ULK4: variants seen among roughly 807,000 people sequenced by gnomAD.
ULK4 encodes inactive serine/threonine-protein kinase ULK4.
In ULK4, 133 loss-of-function variants were observed where a neutral mutation model predicts 160.6. That is an observed-to-expected ratio of 0.83 (90% CI 0.72 to 0.96). ULK4 has a LOEUF of 0.96. ULK4 is among the 40% of genes least tolerant of loss of function. ULK4 has a pLI of 0.00. For missense variants in ULK4, 1,580 were observed against 1,499.5 expected (o/e 1.05, Z -0.89); for synonymous variants, 534 against 539.8 (o/e 0.99, Z 0.15).
At chr3:41,550,260 T>TA (rs2087010795) in intron 32 of ULK4, among the ~76,000 whole-genome samples, 2 of 151,882 alleles carry the variant, frequency 1.3e-5, no homozygotes, top group South Asian at 4.2e-4. Context: ...GAAGATAAAT[T>TA]AAAAAATGAC....
intron 16 of ULK4, among the ~76,000 whole-genome samples, chr3:41,891,903 T>A (rs1697982404): frequency 1.3e-5 from 2 of 152,048 alleles, no homozygotes; most frequent in Non-Finnish European, 2.9e-5. Flanking sequence ...AGACTCCGTC[T>A]CAAACAAACA....
rs1362523458 is a variant in ULK4, at chr3:41,911,576, T to C, written c.980A>G (p.Lys327Arg). 6.2e-7 allele frequency: 1 copy of C among 1,613,976 alleles called. No homozygotes were observed. Among genetic ancestry groups the C allele is most frequent in the African/African-American group, 1.3e-5 (1 of 74,934 alleles). ...NSQSRQAKGH[K>R]SGQPLGHSFR... ...AGAGTGACCTAGTGGTTGACCACTC[T>C]TGTGCCCTTTTGCTTGTCTACTCTG... Residue 327 changes from lysine (K) to arginine (R), a missense_variant, in exon 10 of 37, where the codon AAG becomes AGG. Lys to Arg is a conservative substitution (Grantham distance 26, BLOSUM62 2). Transcript: ENST00000301831.
intron 32 of ULK4, among the ~76,000 whole-genome samples, chr3:41,493,718 T>C (rs2084880537): frequency 6.7e-6 from 1 of 150,286 alleles, no homozygotes; most frequent in Non-Finnish European, 1.5e-5. Flanking sequence ...AAGAATCAAA[T>C]AGATGCAATA....
chr3:41,413,152 C>T (rs1243157855), intron 34 of ULK4, among the ~76,000 whole-genome samples: 1 of 152,098 alleles, frequency 6.6e-6, no homozygotes, highest in Non-Finnish European at 1.5e-5. Flanking sequence ...AAAGGGGTTT[C>T]CCCTTAAAAA....
chr3:41,286,789 C>T (rs576047704), intron 35 of ULK4, among the ~76,000 whole-genome samples: 1 of 152,324 alleles, frequency 6.6e-6, no homozygotes, highest in African/African-American at 2.4e-5. Flanking sequence ...CTCCTCTCTC[C>T]ATGCACCATT....
intron 35 of ULK4, among the ~76,000 whole-genome samples, chr3:41,281,879 C>T (rs2079361758): frequency 6.6e-6 from 1 of 152,198 alleles, no homozygotes; most frequent in South Asian, 2.1e-4. Context: ...TTGCAGATGA[C>T]ATGATTGTAT....
intron 17 of ULK4, chr3:41,854,982 G>A (rs1416070961): frequency 6.7e-6 from 1 of 149,100 alleles, no homozygotes; most frequent in African/African-American, 2.5e-5. Flanking sequence ...AAAACTATCG[G>A]GATCACAAGA....
At chr3:41,448,441 C>A (rs1024693932) in intron 34 of ULK4, among the ~76,000 whole-genome samples, 4 of 152,046 alleles carry the variant, frequency 2.6e-5, no homozygotes, top group Non-Finnish European at 4.4e-5. Flanking sequence ...ACTAGAAAAA[C>A]CAAGAGAAAG....
At chr3:41,321,584 A>AT (rs1209413967) in intron 35 of ULK4, among the ~76,000 whole-genome samples, 1 of 152,080 alleles carries the variant, frequency 6.6e-6, no homozygotes, top group African/African-American at 2.4e-5. Flanking sequence ...CTCTAAAACC[A>AT]TAACTGTTCT....
At chr3:41,482,922 G>A (rs1282913566) in intron 32 of ULK4, among the ~76,000 whole-genome samples, 2 of 152,180 alleles carry the variant, frequency 1.3e-5, no homozygotes, top group African/African-American at 4.8e-5. Context: ...TAAGGTACAT[G>A]AGATATTTTG....
At chr3:41,576,690 G>A (rs2088201065) in intron 31 of ULK4, among the ~76,000 whole-genome samples, 1 of 152,232 alleles carries the variant, frequency 6.6e-6, no homozygotes, top group African/African-American at 2.4e-5. Flanking sequence ...TTCCCAAAAT[G>A]CTTTCAGTTT....
chr3:41,831,174 C>T (rs957610506), intron 18 of ULK4, among the ~76,000 whole-genome samples: 15 of 152,018 alleles, frequency 9.9e-5, no homozygotes, highest in African/African-American at 3.4e-4. Flanking sequence ...ACTACAGGTG[C>T]ACACCACTAC....
chr3:41,329,305 T>C (rs2080398077), intron 35 of ULK4, among the ~76,000 whole-genome samples: 1 of 152,198 alleles, frequency 6.6e-6, no homozygotes, highest in Non-Finnish European at 1.5e-5. Context: ...CAAATTTGGC[T>C]CAATCTGGGG....
At chr3:41,733,468 C>T (rs1489850601) in intron 22 of ULK4, among the ~76,000 whole-genome samples, 1 of 152,020 alleles carries the variant, frequency 6.6e-6, no homozygotes, top group African/African-American at 2.4e-5. Context: ...GTGTTGAATA[C>T]ATTTATTTTA....
chr3:41,471,226 T>C (rs1222513469), intron 32 of ULK4, among the ~76,000 whole-genome samples: 2 of 152,044 alleles, frequency 1.3e-5, no homozygotes, highest in African/African-American at 2.4e-5. Context: ...AAACAGACTT[T>C]AAACCAAAAC....
At chr3:41,271,694 T>C (rs1040672492) in intron 35 of ULK4, among the ~76,000 whole-genome samples, 4 of 151,868 alleles carry the variant, frequency 2.6e-5, no homozygotes, top group African/African-American at 4.8e-5. Context: ...GCAGCTGGCC[T>C]ACTTCATTCA....
chr3:41,956,820 C>T (rs1700500723), intron 1 of ULK4, among the ~76,000 whole-genome samples: 1 of 152,190 alleles, frequency 6.6e-6, no homozygotes, highest in Non-Finnish European at 1.5e-5. Flanking sequence ...TTGCTTATGG[C>T]TGCTTTCAAA....
At chr3:41,431,938 G>C (rs755274544) in intron 34 of ULK4, among the ~76,000 whole-genome samples, 9 of 151,260 alleles carry the variant, frequency 6.0e-5, no homozygotes, top group East Asian at 3.9e-4. Flanking sequence ...TACAGGCGCC[G>C]GCCACCACGC....
intron 34 of ULK4, among the ~76,000 whole-genome samples, chr3:41,407,777 T>C (rs2082323266): frequency 6.6e-6 from 1 of 152,152 alleles, no homozygotes; most frequent in South Asian, 2.1e-4. Flanking sequence ...AAGAGTGAAC[T>C]CCCTTCCCCT....
Sources: allele counts gnomAD v4.1 joint callset (sites outside exome capture counted in the v4.1 genomes callset), GRCh38; gene constraint gnomAD v4.1.1; transcripts MANE v1.5; gene names NCBI Gene and HGNC (gene_info 2026-07-23, HGNC 2026-07-21).